Variants in TBC1D2B observed in about 807,000 individuals in gnomAD.
TBC1D2B encodes the protein TBC1 domain family member 2B.
TBC1D2B carries 64 observed loss-of-function variants against 100.8 expected under a neutral mutation model. The ratio of observed to expected loss-of-function variants is 0.64; its 90% CI spans 0.52 to 0.78. The LOEUF (loss-of-function observed/expected upper bound fraction) is 0.78. Among genes scored for constraint, TBC1D2B ranks in the 30% least tolerant of loss-of-function variants. TBC1D2B has a pLI of 0.00. For synonymous variants in TBC1D2B, 480 were observed against 479.7 expected, an observed-to-expected ratio of 1.00 and a Z score of -0.01; for missense variants, 1,052 against 1,218.4, an observed-to-expected ratio of 0.86 and a Z score of 2.03.
chr15:78,003,256 C>T (rs763137333), intron 11 of TBC1D2B, 49 bp downstream of exon 11: 48 of 1,560,326 alleles, frequency 3.1e-5, no homozygotes, highest in Non-Finnish European at 3.6e-5. Context: ...ACGCTGCTGA[C>T]GGTTGTCAAG....
chr15:78,077,076 G>C (rs1398456543), intron 1 of TBC1D2B, among the ~76,000 whole-genome samples: 2 of 152,264 alleles, frequency 1.3e-5, no homozygotes, highest in Non-Finnish European at 1.5e-5. Flanking sequence ...TCTGAGAAAG[G>C]AGACGGGGCT....
chr15:78,035,749 T>C (rs749152160), intron 3 of TBC1D2B, among the ~76,000 whole-genome samples: 2 of 151,160 alleles, frequency 1.3e-5, no homozygotes, highest in South Asian at 2.1e-4. Flanking sequence ...ACAATGCTAT[T>C]TGAAATGACA....
chr15:78,039,531 C>T (rs1298965901), intron 3 of TBC1D2B, among the ~76,000 whole-genome samples: 2 of 152,130 alleles, frequency 1.3e-5, no homozygotes, highest in African/African-American at 2.4e-5. Flanking sequence ...TCAGCCCTTA[C>T]ACCTGCATTG....
chr15:78,044,883 G>A lies in TBC1D2B; in HGVS notation c.683+17C>T, dbSNP rs4886995. ...CAACCCATTTTCAATTTCATATGCT[G>A]CTTTCTAAAGACTCACTTGAGCTCA... On this transcript the variant is annotated intron_variant, in intron 3 of 12. Transcript: ENST00000300584. 0.3 allele frequency: 469,479 copies of A among 1,574,086 alleles called. 75,361 individuals carry two copies. The highest frequency in any genetic ancestry group is 0.57 in the East Asian group (25,128 of 44,032).
chr15:78,050,083 C>T (rs1425587005), intron 2 of TBC1D2B, among the ~76,000 whole-genome samples: 1 of 152,158 alleles, frequency 6.6e-6, no homozygotes, highest in African/African-American at 2.4e-5. Context: ...TGTGGCACTG[C>T]CAACGCGGGG....
chr15:78,014,118 T>A (rs1411316365), intron 8 of TBC1D2B, among the ~76,000 whole-genome samples: 1 of 152,224 alleles, frequency 6.6e-6, no homozygotes. Flanking sequence ...TACGAATGAC[T>A]GCAAGGAACT....
chr15:78,074,390 G>A (rs1006378729), intron 1 of TBC1D2B, among the ~76,000 whole-genome samples: 3 of 151,968 alleles, frequency 2.0e-5, no homozygotes, highest in African/African-American at 4.8e-5. Flanking sequence ...GCCAACACTC[G>A]GTACTATCTT....
intron 1 of TBC1D2B, among the ~76,000 whole-genome samples, chr15:78,070,439 G>A (rs764850672): frequency 2.6e-5 from 4 of 152,010 alleles, no homozygotes; most frequent in East Asian, 3.9e-4. Flanking sequence ...TTTTATTAAC[G>A]TCTGTCCCCC....
chr15:78,001,518 G>C lies in TBC1D2B; in HGVS notation c.2696+101C>G, dbSNP rs893856896. 6.5e-6 allele frequency: 9 copies of C among 1,386,522 alleles called. No homozygotes were observed. The African/African-American group carries it at 1.2e-4, about 18-fold the overall frequency. 85.9% of individuals were successfully genotyped at this position (1,386,522 alleles called of 1,614,324 possible). The stretch of plus-strand genomic sequence containing the variant: ...GCCCTCTCCAACACTGTACACCGGG[G>C]ATGGCTCTGAGTTGGAAGACAGCAA... On this transcript the variant is annotated intron_variant, in intron 12 of 12. Coordinates refer to ENST00000300584, the MANE Select transcript of TBC1D2B (RefSeq NM_144572.2).
At chr15:78,050,329 A>G (rs1265031818) in intron 2 of TBC1D2B, among the ~76,000 whole-genome samples, 1 of 152,268 alleles carries the variant, frequency 6.6e-6, no homozygotes, top group Non-Finnish European at 1.5e-5. Context: ...TCTGCAAGAA[A>G]TACCATCCAT....
rs745416208 is a variant in TBC1D2B at position 78,024,509 on chromosome 15, G to A, written c.1117C>T (p.Arg373Trp). The change falls in exon 6 of 13, where the codon CGG (arginine) becomes TGG (tryptophan). Residue 373 changes from arginine (R) to tryptophan (W), a missense_variant. Physicochemically the swap from Arg to Trp is moderately radical, Grantham distance 101 (BLOSUM62 -3). Transcript: ENST00000300584. Reference sequence around the variant, plus strand: ...AAATACTTGTCATACTGGGATGACCGGACTGTCTGCTGGAGCAGTCGAACA... The same window carrying A: ...AAATACTTGTCATACTGGGATGACCAGACTGTCTGCTGGAGCAGTCGAACA... ...ELVRLLQQTVRSSQYDKYFTS... is the reference protein window; with the variant it reads ...ELVRLLQQTVWSSQYDKYFTS... 4.3e-6 allele frequency: 7 copies of A among 1,613,394 alleles called. No individual in the cohort carries two copies. The highest frequency in any genetic ancestry group is 5.1e-6 in the Non-Finnish European group (6 of 1,179,524).
rs1484379826 is a variant in TBC1D2B at position 78,054,102 on chromosome 15, T to G, written c.446A>C (p.Lys149Thr). The G allele has an allele frequency of 1.9e-6, 3 of 1,613,948 alleles. No homozygotes were observed. Among genetic ancestry groups the G allele is most frequent in the Non-Finnish European group, 2.5e-6 (3 of 1,179,848 alleles). ...WEYCNSLDMV[K>T]WDSRTSPTPG... ...AGTTGGAGAGGTCCTGCTGTCCCAC[T>G]TGACCATGTCAAGACTGTTACAATA... The change falls in exon 2 of 13, where the codon AAG (lysine) becomes ACG (threonine). Residue 149 changes from lysine (K) to threonine (T), a missense_variant. Coordinates refer to ENST00000300584, the MANE Select transcript of TBC1D2B (RefSeq NM_144572.2).
intron 1 of TBC1D2B, among the ~76,000 whole-genome samples, chr15:78,066,645 CA>C (rs948510888): frequency 1.3e-5 from 2 of 151,832 alleles, no homozygotes; most frequent in African/African-American, 2.4e-5. Flanking sequence ...AAGACAGAAA[CA>C]AAAAAAGTCT....
intron 9 of TBC1D2B, 47 bp from the exon 10 acceptor site, chr15:78,009,161 G>T (rs370202489): frequency 1.8e-5 from 24 of 1,346,866 alleles, no homozygotes; most frequent in East Asian, 9.8e-5. Flanking sequence ...ACAGACAGCT[G>T]CTACTACAGT....
intron 2 of TBC1D2B, among the ~76,000 whole-genome samples, chr15:78,046,853 G>A (rs1162503852): frequency 1.3e-5 from 2 of 151,562 alleles, no homozygotes; most frequent in Non-Finnish European, 3.0e-5. Context: ...CTGAGCACTG[G>A]TAAAGGAAAC....
At chr15:78,007,960 C>G (rs1209522983) in intron 10 of TBC1D2B, among the ~76,000 whole-genome samples, 1 of 152,234 alleles carries the variant, frequency 6.6e-6, no homozygotes, top group Non-Finnish European at 1.5e-5. Context: ...CTTGCAACAC[C>G]AAGTGGTGCA....
Position 78,005,591 on chromosome 15 carries a change from C to G in TBC1D2B, c.2389-2101G>C, listed in dbSNP as rs550472055. On this transcript the variant is annotated intron_variant, in intron 10 of 12. Transcript: ENST00000300584. ...TAGGCCACCAAATAGGATGGGTACA[C>G]AGTATAAAATGACATGGGAAAATGC... Among the ~76,000 whole-genome samples the G allele has an allele frequency of 2.6e-5, 4 of 152,280 alleles. No individual in the cohort carries two copies. The South Asian group carries it at 8.3e-4, about 32-fold the overall frequency.
chr15:77,996,753 TAGTCTC>T lies in TBC1D2B; in HGVS notation c.*1401_*1406del, dbSNP rs1400993048. ...CTTAAAACTGCATTGCTTCAATTCTTAGTCTCAGTGTGTTCACAACAAAGGATGATT... is the reference window on the plus strand; with the variant it reads ...CTTAAAACTGCATTGCTTCAATTCTTAGTGTGTTCACAACAAAGGATGATT... On this transcript the variant is annotated 3_prime_UTR_variant, in exon 13 of 13. Transcript: ENST00000300584. 5.9e-5 allele frequency: 9 copies of T among 152,252 alleles called. No homozygotes were observed. Among genetic ancestry groups the T allele is most frequent in the African/African-American group, 1.4e-4 (6 of 41,460 alleles). 9.4% of individuals were successfully genotyped at this position (152,252 alleles called of 1,614,324 possible). A position where few individuals can be genotyped will look rare whatever the true frequency, so the allele number is the denominator to read the frequency against.
chr15:78,075,178 A>C (rs547650267), intron 1 of TBC1D2B, among the ~76,000 whole-genome samples: 1 of 152,076 alleles, frequency 6.6e-6, no homozygotes, highest in East Asian at 1.9e-4. Flanking sequence ...AACCCTGCTT[A>C]TGTAGATTCT....
Sources: allele counts gnomAD v4.1 joint callset (sites outside exome capture counted in the v4.1 genomes callset), GRCh38; gene constraint gnomAD v4.1.1; transcripts MANE v1.5; gene names NCBI Gene and HGNC (gene_info 2026-07-23, HGNC 2026-07-21).